Variants in PTPRD observed in about 807,000 individuals in gnomAD.
PTPRD encodes the protein receptor-type tyrosine-protein phosphatase delta.
Under a neutral mutation model 214.5 loss-of-function variants are expected in PTPRD, and 34 were observed. The ratio of observed to expected loss-of-function variants is 0.16; its 90% CI spans 0.12 to 0.21. The LOEUF (loss-of-function observed/expected upper bound fraction) is 0.21, where lower values mean the gene tolerates loss of function less well. Ranked by LOEUF, PTPRD falls within the 10% of genes least tolerant of loss-of-function variation. PTPRD has a pLI of 1.00. For synonymous variants in PTPRD, 1,128 were observed against 845.7 expected (o/e 1.33, Z -5.79); for missense variants, 2,545 against 2,398.7 (o/e 1.06, Z -1.27).
rs550803078 is a variant in PTPRD, at chr9:9,151,721, C to G, written c.-143+31583G>C. On this transcript the variant is annotated intron_variant, in intron 10 of 45. Coordinates refer to ENST00000381196, the MANE Select transcript of PTPRD (RefSeq NM_002839.4). ...ATGAGACAGGTTTTGTTTTTCAGTT[C>G]ATCAGCAAGATGGCACTTTGATAAA... Among the ~76,000 whole-genome samples, 5 of 152,188 alleles carry G rather than the reference C, an allele frequency of 3.3e-5. No individual in the cohort carries two copies. In the South Asian group the frequency reaches 1.0e-3, roughly 32 times the overall value.
chr9:9,588,983 G>C (rs2154323514), intron 7 of PTPRD, among the ~76,000 whole-genome samples: 1 of 151,934 alleles, frequency 6.6e-6, no homozygotes, highest in East Asian at 1.9e-4. Context: ...TTTTAGTTTT[G>C]TGGCAAAATT....
At chr9:9,330,781 T>C (rs2042016831) in intron 9 of PTPRD, among the ~76,000 whole-genome samples, 1 of 151,908 alleles carries the variant, frequency 6.6e-6, no homozygotes, top group Non-Finnish European at 1.5e-5. Context: ...TGAAATTATC[T>C]ATAATATAAA....
At position 8,751,856 on chromosome 9, in the gene PTPRD, G is replaced by C. The variant is rs148225195; in HGVS notation, c.-103-17910C>G. Among the ~76,000 whole-genome samples the C allele has an allele frequency of 2.1e-3, 315 of 152,270 alleles. 1 individual carries two copies. Among genetic ancestry groups the C allele is most frequent in the Middle Eastern group, 6.8e-3 (2 of 294 alleles). On this transcript the variant is annotated intron_variant, in intron 11 of 45. Coordinates refer to ENST00000381196, the MANE Select transcript of PTPRD (RefSeq NM_002839.4). ...AACGAGACAGTTTGTTATATGGAGG[G>C]TGTAGAACCTGACACACACAATAAT...
rs896771735 is a variant in PTPRD at position 8,499,517 on chromosome 9, G to A, written c.2322+130C>T. ...ATTGAAAAGATCAATATACATCAAT[G>A]TGAAATGAAAACTAGAATTTTGTAT... On this transcript the variant is annotated intron_variant, in intron 25 of 45. Coordinates refer to ENST00000381196, the MANE Select transcript of PTPRD (RefSeq NM_002839.4). 6 of 870,512 alleles carry A rather than the reference G, an allele frequency of 6.9e-6. No homozygotes were observed. In the African/African-American group the frequency reaches 8.5e-5, roughly 12 times the overall value. 53.9% of individuals were successfully genotyped at this position (870,512 alleles called of 1,614,324 possible). A position where few individuals can be genotyped will look rare whatever the true frequency, so the allele number is the denominator to read the frequency against.
intron 11 of PTPRD, among the ~76,000 whole-genome samples, chr9:8,849,301 G>A (rs774565105): frequency 4.7e-5 from 7 of 150,178 alleles, no homozygotes; most frequent in East Asian, 2.0e-4. Context: ...TCAGTCTCCC[G>A]AGTAGCTGGG....
chr9:10,095,561 A>G (rs528449736), intron 3 of PTPRD, among the ~76,000 whole-genome samples: 1 of 151,578 alleles, frequency 6.6e-6, no homozygotes, highest in South Asian at 2.1e-4. Context: ...TTCTCTATAT[A>G]CCAGACAGCG....
At chr9:9,532,420 A>G (rs766963533) in intron 8 of PTPRD, among the ~76,000 whole-genome samples, 3 of 152,256 alleles carry the variant, frequency 2.0e-5, no homozygotes, top group Admixed American at 6.5e-5. Flanking sequence ...GTCCTGCCCA[A>G]TCCTCTCTGA....
At chr9:8,982,599 A>T (rs746417766) in intron 11 of PTPRD, among the ~76,000 whole-genome samples, 2 of 151,570 alleles carry the variant, frequency 1.3e-5, no homozygotes, top group Non-Finnish European at 2.9e-5. Context: ...AAAAAAAAAT[A>T]AAAAACTCCA....
At chr9:9,366,338 C>A (rs1037558729) in intron 9 of PTPRD, among the ~76,000 whole-genome samples, 3 of 151,430 alleles carry the variant, frequency 2.0e-5, no homozygotes, top group Non-Finnish European at 4.4e-5. Flanking sequence ...ATTTTGAAAG[C>A]TTTATAAATA....
At chr9:8,921,982 AAGAC>A (rs1441318881) in intron 11 of PTPRD, among the ~76,000 whole-genome samples, 2 of 152,182 alleles carry the variant, frequency 1.3e-5, no homozygotes, top group Non-Finnish European at 2.9e-5. Context: ...GCAAGGAACA[AAGAC>A]AGATAGAATC....
intron 10 of PTPRD, among the ~76,000 whole-genome samples, chr9:9,111,344 C>G (rs1466084842): frequency 1.3e-5 from 2 of 150,078 alleles, no homozygotes; most frequent in African/African-American, 2.5e-5. Flanking sequence ...TCAATGATCA[C>G]CTTATAAAAT....
At chr9:9,993,290 A>T (rs762040633) in intron 4 of PTPRD, among the ~76,000 whole-genome samples, 3 of 152,214 alleles carry the variant, frequency 2.0e-5, no homozygotes, top group Non-Finnish European at 4.4e-5. Context: ...TCTTAGGTAC[A>T]TATATTATCC....
At chr9:8,425,511 T>A (rs899809789) in intron 35 of PTPRD, among the ~76,000 whole-genome samples, 3 of 152,282 alleles carry the variant, frequency 2.0e-5, no homozygotes, top group Admixed American at 1.3e-4. Flanking sequence ...CTTCTTCTCA[T>A]CTCCATGCTT....
At chr9:8,569,532 C>T (rs1230563358) in intron 14 of PTPRD, among the ~76,000 whole-genome samples, 1 of 152,042 alleles carries the variant, frequency 6.6e-6, no homozygotes, top group Non-Finnish European at 1.5e-5. Flanking sequence ...CACACATCTC[C>T]GTTCCCCTCA....
At chr9:9,485,336 G>T (rs774139444) in intron 8 of PTPRD, among the ~76,000 whole-genome samples, 1 of 152,112 alleles carries the variant, frequency 6.6e-6, no homozygotes, top group South Asian at 2.1e-4. Flanking sequence ...ACTAAATTTA[G>T]TAACATTTAG....
At chr9:9,591,247 G>C (rs1390897058) in intron 7 of PTPRD, among the ~76,000 whole-genome samples, 1 of 151,934 alleles carries the variant, frequency 6.6e-6, no homozygotes, top group Non-Finnish European at 1.5e-5. Flanking sequence ...CCTGCGGTGG[G>C]AGGACATATG....
chr9:10,251,388 C>G (rs983065458), intron 3 of PTPRD, among the ~76,000 whole-genome samples: 2 of 123,252 alleles, frequency 1.6e-5, no homozygotes, highest in Non-Finnish European at 3.6e-5. Context: ...AGAGACTAAA[C>G]TCTTTCCATT....
chr9:9,370,677 C>G (rs1363691226), intron 9 of PTPRD, among the ~76,000 whole-genome samples: 3 of 151,908 alleles, frequency 2.0e-5, no homozygotes, highest in Non-Finnish European at 4.4e-5. Flanking sequence ...AGAGGGCATC[C>G]CTGTCTTGTG....
chr9:10,597,529 T>C (rs1176889296), intron 2 of PTPRD, among the ~76,000 whole-genome samples: 1 of 151,846 alleles, frequency 6.6e-6, no homozygotes. Context: ...CTTCATTTAA[T>C]ATCCACTTTA....
Sources: allele counts gnomAD v4.1 joint callset (sites outside exome capture counted in the v4.1 genomes callset), GRCh38; gene constraint gnomAD v4.1.1; transcripts MANE v1.5; gene names NCBI Gene and HGNC (gene_info 2026-07-23, HGNC 2026-07-21).